Variants in KLF7 observed in about 807,000 individuals in gnomAD.
KLF7 encodes the protein KLF transcription factor 7.
A neutral mutation model predicts 27.3 loss-of-function variants in KLF7; 2 were observed. The ratio of observed to expected loss-of-function variants is 0.07; its 90% CI spans 0.03 to 0.23. The LOEUF is 0.23. Among genes scored for constraint, KLF7 ranks in the 10% least tolerant of loss-of-function variants. The pLI is 1.00. For missense variants in KLF7, 221 were observed against 394.1 expected, an observed-to-expected ratio of 0.56 and a Z score of 3.72; for synonymous variants, 165 against 162.4, an observed-to-expected ratio of 1.02 and a Z score of -0.12.
At chr2:207,084,271 C>G (rs544026904) in intron 3 of KLF7, among the ~76,000 whole-genome samples, 1 of 152,158 alleles carries the variant, frequency 6.6e-6, no homozygotes, top group East Asian at 1.9e-4. Flanking sequence ...CTTTCCTTTC[C>G]TTTCTATATC....
At chr2:207,169,288 A>C (rs1347349454), upstream of KLF7, among the ~76,000 whole-genome samples, 1 of 152,172 alleles carries the variant, frequency 6.6e-6, no homozygotes, top group African/African-American at 2.4e-5. Context: ...GCTTAGAAAT[A>C]AATGAGGATA....
chr2:207,090,612 T>C (rs536509466), intron 2 of KLF7, among the ~76,000 whole-genome samples: 3 of 152,154 alleles, frequency 2.0e-5, no homozygotes, highest in South Asian at 4.2e-4. Flanking sequence ...GTCAATAAAA[T>C]CCTTCAGAGC....
upstream of KLF7, chr2:207,167,144 G>A: frequency 6.9e-7 from 1 of 1,441,386 alleles, no homozygotes; most frequent in South Asian, 1.4e-5. Context: ...GCTCACCATG[G>A]GGTCTCCAGC....
intron 1 of KLF7, among the ~76,000 whole-genome samples, chr2:207,158,255 C>T (rs1351867778): frequency 1.3e-5 from 2 of 152,170 alleles, no homozygotes; most frequent in South Asian, 4.1e-4. Context: ...GCAAAAAAGT[C>T]AAGTGAGCCT....
chr2:207,089,067 A>G (rs2076453101), intron 2 of KLF7, among the ~76,000 whole-genome samples: 2 of 152,192 alleles, frequency 1.3e-5, no homozygotes, highest in Non-Finnish European at 2.9e-5. Flanking sequence ...AGCTGCAGCC[A>G]GGTAGCTGAC....
chr2:207,126,713 G>C (rs976834077), intron 1 of KLF7, among the ~76,000 whole-genome samples: 1 of 151,526 alleles, frequency 6.6e-6, no homozygotes, highest in Non-Finnish European at 1.5e-5. Context: ...TGAGGCGGGA[G>C]AATCACTTAA....
At chr2:207,150,997 T>TAAA (rs34218929) in intron 1 of KLF7, among the ~76,000 whole-genome samples, 53,712 of 90,126 alleles carry the variant, frequency 0.6, 18,026 homozygotes, top group Non-Finnish European at 0.71. Context: ...TTCTCTTTAT[T>TAAA]AAAAAAAAAA....
chr2:207,166,049 C>A, upstream of KLF7: 1 of 553,906 alleles, frequency 1.8e-6, no homozygotes, highest in Non-Finnish European at 2.2e-6. Flanking sequence ...CCACCCCCCA[C>A]CCCATCCTTG....
At chr2:207,135,741 A>G (rs1480768857) in intron 1 of KLF7, among the ~76,000 whole-genome samples, 1 of 152,140 alleles carries the variant, frequency 6.6e-6, no homozygotes, top group East Asian at 1.9e-4. Flanking sequence ...TTTATTACCA[A>G]CATTTCTGGT....
At chr2:207,106,405 G>A (rs2076884237) in intron 2 of KLF7, among the ~76,000 whole-genome samples, 1 of 152,152 alleles carries the variant, frequency 6.6e-6, no homozygotes, top group South Asian at 2.1e-4. Flanking sequence ...CAGAGATGGA[G>A]AAAAGCAAAC....
In KLF7 at chr2:207,081,181, C is replaced by A; in HGVS notation, c.*32G>T. 1 of 1,606,092 alleles carries A rather than the reference C, an allele frequency of 6.2e-7. No homozygotes were observed. Among genetic ancestry groups the A allele is most frequent in the Non-Finnish European group, 8.5e-7 (1 of 1,172,726 alleles). On this transcript the variant is annotated 3_prime_UTR_variant, in exon 4 of 4. Coordinates refer to ENST00000309446, the MANE Select transcript of KLF7 (RefSeq NM_003709.4). ...CATGGCGTTTCCTTTAGACACTAGC[C>A]GATGCCATGGCAACTCTGGCCTTTC...
intron 1 of KLF7, among the ~76,000 whole-genome samples, chr2:207,161,603 C>G (rs1438548654): frequency 6.6e-6 from 1 of 152,304 alleles, no homozygotes; most frequent in African/African-American, 2.4e-5. Context: ...AAAGGAGAAG[C>G]AATGTGGCTC....
In KLF7 at chr2:207,124,698, C is replaced by A. The variant is rs574650276; in HGVS notation, c.103-294G>T. Among the ~76,000 whole-genome samples the A allele has an allele frequency of 2.6e-5, 4 of 152,302 alleles. No individual in the cohort carries two copies. The South Asian group carries it at 8.3e-4, about 32-fold the overall frequency. On this transcript the variant is annotated intron_variant, in intron 1 of 3. Transcript: ENST00000309446. ...AACATCAAATGATGATCTCTTGCCC[C>A]TCAATCCAATTCAGCAGGTAAGATG... is the stretch of plus-strand genomic sequence containing the variant.
chr2:207,124,906 A>G (rs1305057311), intron 1 of KLF7, among the ~76,000 whole-genome samples: 1 of 152,204 alleles, frequency 6.6e-6, no homozygotes, highest in Non-Finnish European at 1.5e-5. Context: ...CACTCAAACT[A>G]AGAGGTGACC....
upstream of KLF7, among the ~76,000 whole-genome samples, chr2:207,167,521 G>A (rs959633342): frequency 5.3e-5 from 8 of 152,178 alleles, no homozygotes; most frequent in African/African-American, 1.9e-4. Flanking sequence ...TATGAAATAA[G>A]CACAGATTGA....
At chr2:207,129,129 G>A (rs933020595) in intron 1 of KLF7, among the ~76,000 whole-genome samples, 2 of 152,172 alleles carry the variant, frequency 1.3e-5, no homozygotes, top group Admixed American at 6.5e-5. Flanking sequence ...AGGGAGAGAC[G>A]AAGACCATCA....
rs117536595 is a variant in KLF7 at position 207,154,339 on chromosome 2, C to T, written c.102+11128G>A. Among the ~76,000 whole-genome samples the T allele has an allele frequency of 8.5e-4, 129 of 152,110 alleles. 2 individuals are homozygous for T. The East Asian group carries it at 0.023, about 27-fold the overall frequency. On this transcript the variant is annotated intron_variant, in intron 1 of 3. Coordinates refer to ENST00000309446, the MANE Select transcript of KLF7 (RefSeq NM_003709.4). ...CTGCATGCTAGAAAAACATAAGATACGTAAGTCATAAGTCAGACTGGACAG... is the reference window on the plus strand; with the variant it reads ...CTGCATGCTAGAAAAACATAAGATATGTAAGTCATAAGTCAGACTGGACAG...
At chr2:207,136,293 C>A (rs573308973) in intron 1 of KLF7, among the ~76,000 whole-genome samples, 1 of 152,294 alleles carries the variant, frequency 6.6e-6, no homozygotes, top group East Asian at 1.9e-4. Flanking sequence ...AAACCAGACT[C>A]TACATGATCT....
upstream of KLF7, among the ~76,000 whole-genome samples, chr2:207,170,850 T>G (rs2078779737): frequency 6.6e-6 from 1 of 152,066 alleles, no homozygotes; most frequent in South Asian, 2.1e-4. Flanking sequence ...AATGGAGATA[T>G]ATAAGGAGTT....
Sources: allele counts gnomAD v4.1 joint callset (sites outside exome capture counted in the v4.1 genomes callset), GRCh38; gene constraint gnomAD v4.1.1; transcripts MANE v1.5; gene names NCBI Gene and HGNC (gene_info 2026-07-23, HGNC 2026-07-21).